The following TMEM108 variants were observed in gnomAD, a reference collection of about 807,000 sequenced individuals.
The protein encoded by TMEM108 is transmembrane protein 108.
A neutral mutation model predicts 35.1 loss-of-function variants in TMEM108; 12 were observed. The observed-to-expected ratio is 0.34, with a 90% confidence interval of 0.22 to 0.55. TMEM108 has a LOEUF of 0.55. Among genes scored for constraint, TMEM108 ranks in the 20% least tolerant of loss-of-function variants. TMEM108 has a pLI of 0.89. For missense variants in TMEM108, 680 were observed against 753.3 expected (o/e 0.90, Z 1.14); for synonymous variants, 287 against 308.6 (o/e 0.93, Z 0.73).
intron 3 of TMEM108, among the ~76,000 whole-genome samples, chr3:133,311,906 C>A (rs1307407408): frequency 6.6e-6 from 1 of 152,174 alleles, no homozygotes; most frequent in Non-Finnish European, 1.5e-5. Context: ...GTGTGGATGT[C>A]CTTTTTGTTG....
intron 2 of TMEM108, among the ~76,000 whole-genome samples, chr3:133,070,306 G>A (rs1943660842): frequency 1.3e-5 from 2 of 152,128 alleles, no homozygotes; most frequent in Non-Finnish European, 1.5e-5. Context: ...GGAGAGGAGG[G>A]CTTACACAAG....
chr3:133,130,065 A>C (rs1324856477), intron 2 of TMEM108, among the ~76,000 whole-genome samples: 3 of 63,598 alleles, frequency 4.7e-5, no homozygotes, highest in Non-Finnish European at 1.0e-4. Context: ...TGAGTGGCAA[A>C]AGGTGTGTGA....
intron 2 of TMEM108, among the ~76,000 whole-genome samples, chr3:133,158,465 T>TAAAAAAAAAAAAA (rs11328701): frequency 1.2e-5 from 1 of 80,646 alleles, no homozygotes; most frequent in African/African-American, 4.9e-5. Context: ...AGACTCTGTC[T>TAAAAAAAAAAAAA]AAAAAAAAAA....
chr3:133,112,463 A>T (rs996722059), intron 2 of TMEM108, among the ~76,000 whole-genome samples: 4 of 152,198 alleles, frequency 2.6e-5, no homozygotes, highest in Non-Finnish European at 4.4e-5. Flanking sequence ...GGTCTCAGTT[A>T]TGCCAACTTC....
chr3:133,182,607 T>A (rs2059772892), intron 2 of TMEM108, among the ~76,000 whole-genome samples: 1 of 152,214 alleles, frequency 6.6e-6, no homozygotes, highest in Non-Finnish European at 1.5e-5. Flanking sequence ...TTGGCTTATG[T>A]CTTTATTTGC....
At chr3:133,132,611 G>A (rs1944505736) in intron 2 of TMEM108, among the ~76,000 whole-genome samples, 3 of 152,124 alleles carry the variant, frequency 2.0e-5, no homozygotes, top group Admixed American at 2.0e-4. Flanking sequence ...TGTACAAGGA[G>A]ATTCTTGTTT....
At chr3:133,309,631 C>G (rs979419769) in intron 3 of TMEM108, among the ~76,000 whole-genome samples, 4 of 147,646 alleles carry the variant, frequency 2.7e-5, no homozygotes, top group Middle Eastern at 3.2e-3. Flanking sequence ...AGTAGTCATT[C>G]AGGAGCAGGT....
chr3:133,387,048 A>G (rs1190015740), intron 4 of TMEM108: 1 of 985,590 alleles, frequency 1.0e-6, no homozygotes, highest in Non-Finnish European at 1.2e-6. Context: ...ATGAAAGGTG[A>G]GACCACTGAA....
chr3:133,095,403 G>T (rs1448013080), intron 2 of TMEM108, among the ~76,000 whole-genome samples: 1 of 152,168 alleles, frequency 6.6e-6, no homozygotes, highest in Non-Finnish European at 1.5e-5. Flanking sequence ...CTGGTTTCAT[G>T]GAAGACAGCT....
chr3:133,040,198 G>GTT (rs1399279689), intron 1 of TMEM108, among the ~76,000 whole-genome samples: 5 of 122,036 alleles, frequency 4.1e-5, no homozygotes, highest in African/African-American at 8.6e-5. Flanking sequence ...TTTTTTGTTT[G>GTT]TTTGTTTGTT....
At chr3:133,373,381 AGAT>A (rs1156913131) in intron 3 of TMEM108, among the ~76,000 whole-genome samples, 2 of 121,066 alleles carry the variant, frequency 1.7e-5, no homozygotes, top group Middle Eastern at 3.8e-3. Context: ...TTAGATAGAT[AGAT>A]GATAGATAGA....
At position 133,147,637 on chromosome 3, in the gene TMEM108, C is replaced by G. The variant is rs568404940; in HGVS notation, c.-46-81629C>G. On this transcript the variant is annotated intron_variant, in intron 2 of 5. Coordinates refer to ENST00000321871, the MANE Select transcript of TMEM108 (RefSeq NM_023943.4). The stretch of plus-strand genomic sequence containing the variant: ...GGCAACTTTCTTAACCCTCTTGAGC[C>G]TCAGGTTTCCCACCTGTAAAACGTA... Among the ~76,000 whole-genome samples, 4 of 152,282 alleles carry G rather than the reference C, an allele frequency of 2.6e-5. 1 individual carries two copies. Among genetic ancestry groups the G allele is most frequent in the African/African-American group, 9.6e-5 (4 of 41,582 alleles).
At chr3:133,232,470 C>T (rs796707671) in intron 3 of TMEM108, among the ~76,000 whole-genome samples, 7 of 152,262 alleles carry the variant, frequency 4.6e-5, no homozygotes, top group East Asian at 1.9e-4. Flanking sequence ...ATGCTGGTGC[C>T]GTGCTTCTTG....
intron 3 of TMEM108, among the ~76,000 whole-genome samples, chr3:133,236,546 T>C (rs1946240381): frequency 6.6e-6 from 1 of 152,118 alleles, no homozygotes; most frequent in South Asian, 2.1e-4. Context: ...AGAAGCTGCT[T>C]GGGAGTTCAT....
chr3:133,165,915 C>T (rs1945030412), intron 2 of TMEM108, among the ~76,000 whole-genome samples: 1 of 152,106 alleles, frequency 6.6e-6, no homozygotes, highest in Non-Finnish European at 1.5e-5. Flanking sequence ...CCTATATGTC[C>T]AAAGGTCTTT....
chr3:133,312,837 G>A (rs929454060), intron 3 of TMEM108, among the ~76,000 whole-genome samples: 2 of 152,176 alleles, frequency 1.3e-5, no homozygotes, highest in Non-Finnish European at 2.9e-5. Flanking sequence ...GCAGACCAGA[G>A]CTCTTCCTTT....
intron 3 of TMEM108, among the ~76,000 whole-genome samples, chr3:133,275,857 C>T (rs1178812282): frequency 6.6e-6 from 1 of 152,116 alleles, no homozygotes; most frequent in Non-Finnish European, 1.5e-5. Flanking sequence ...TTTGAAATTG[C>T]AGATAAAGGA....
chr3:133,265,973 T>C (rs765695365), intron 3 of TMEM108, among the ~76,000 whole-genome samples: 2 of 152,248 alleles, frequency 1.3e-5, no homozygotes, highest in Non-Finnish European at 2.9e-5. Flanking sequence ...ATTCCTCTTA[T>C]AATTCAATAC....
intron 2 of TMEM108, among the ~76,000 whole-genome samples, chr3:133,117,558 G>T (rs1422292774): frequency 6.6e-6 from 1 of 152,170 alleles, no homozygotes; most frequent in Non-Finnish European, 1.5e-5. Context: ...TGTTGCCATG[G>T]TAATCACTGC....
Sources: gnomAD v4.1 joint callset for allele counts (sites outside exome capture counted in the v4.1 genomes callset) on GRCh38, gnomAD v4.1.1 for gene constraint, MANE v1.5 for transcripts, NCBI Gene and HGNC (gene_info 2026-07-23, HGNC 2026-07-21) for gene names.